Variants in TDRD7 observed in about 807,000 individuals in gnomAD.
TDRD7 encodes tudor domain containing 7, also known as tudor domain-containing protein 7.
Under a neutral mutation model 109.8 loss-of-function variants are expected in TDRD7, and 47 were observed. The observed-to-expected ratio is 0.43, with a 90% CI of 0.34 to 0.55. The LOEUF (loss-of-function observed/expected upper bound fraction) is 0.55, where lower values mean the gene tolerates loss of function less well. Ranked by LOEUF, TDRD7 falls within the 20% of genes least tolerant of loss-of-function variation. The pLI is 0.03. For synonymous variants in TDRD7, 424 were observed against 457.3 expected (o/e 0.93, Z 0.93); for missense variants, 1,164 against 1,319.2 (o/e 0.88, Z 1.82).
intron 16 of TDRD7, among the ~76,000 whole-genome samples, chr9:97,488,994 C>T (rs894218429): frequency 6.6e-6 from 1 of 152,108 alleles, no homozygotes; most frequent in African/African-American, 2.4e-5. Context: ...TAATTTAATT[C>T]CATTGTGGTC....
intron 3 of TDRD7, among the ~76,000 whole-genome samples, chr9:97,431,322 G>A (rs796553073): frequency 5.9e-5 from 9 of 152,210 alleles, no homozygotes; most frequent in African/African-American, 1.7e-4. Context: ...AGCTTGTTAC[G>A]GTAGTGTGTA....
At chr9:97,429,328 T>C (rs1828061393) in intron 2 of TDRD7, among the ~76,000 whole-genome samples, 1 of 152,208 alleles carries the variant, frequency 6.6e-6, no homozygotes, top group African/African-American at 2.4e-5. Flanking sequence ...CTTCACTTCT[T>C]GGTACCTACC....
chr9:97,454,219 G>A (rs1298085002), intron 6 of TDRD7, among the ~76,000 whole-genome samples: 1 of 152,180 alleles, frequency 6.6e-6, no homozygotes, highest in East Asian at 1.9e-4. Context: ...GATGGCTCAC[G>A]CCTGTAATCC....
chr9:97,424,229 A>G (rs1256747906), intron 1 of TDRD7, among the ~76,000 whole-genome samples: 1 of 151,114 alleles, frequency 6.6e-6, no homozygotes, highest in African/African-American at 2.4e-5. Flanking sequence ...GAGTTTTTGT[A>G]TTTTTTAGTA....
chr9:97,418,947 T>G (rs933258866), intron 1 of TDRD7, among the ~76,000 whole-genome samples: 1 of 152,124 alleles, frequency 6.6e-6, no homozygotes. Context: ...CCATGGAAAC[T>G]CTATTCTTAA....
At chr9:97,427,367 C>T (rs150367219) in intron 1 of TDRD7, among the ~76,000 whole-genome samples, 4 of 152,110 alleles carry the variant, frequency 2.6e-5, no homozygotes, top group African/African-American at 9.6e-5. Context: ...CTCTCTAGTC[C>T]CTTTTTCTTA....
At chr9:97,492,484 T>A (rs1483785025) in intron 16 of TDRD7, among the ~76,000 whole-genome samples, 1 of 152,220 alleles carries the variant, frequency 6.6e-6, no homozygotes, top group Non-Finnish European at 1.5e-5. Flanking sequence ...AAGGCTGAGA[T>A]TCAAGTCATT....
At chr9:97,453,506 G>A (rs1254793204) in intron 6 of TDRD7, among the ~76,000 whole-genome samples, 11 of 152,094 alleles carry the variant, frequency 7.2e-5, no homozygotes, top group Non-Finnish European at 1.6e-4. Flanking sequence ...AGAGTAGAAG[G>A]CTGGCATGAC....
chr9:97,486,196 A>G lies in TDRD7; in HGVS notation c.2916-976A>G, dbSNP rs150967432. On this transcript the variant is annotated intron_variant, in intron 15 of 16. Transcript: ENST00000355295. ...ACCATGCCACCTGAACTAGAGGCCAATTTCCACCATTTAGCAGCAGAGACC... is the reference window on the plus strand; with the variant it reads ...ACCATGCCACCTGAACTAGAGGCCAGTTTCCACCATTTAGCAGCAGAGACC... Among the ~76,000 whole-genome samples the G allele has an allele frequency of 8.1e-4, 124 of 152,246 alleles. 2 individuals carry two copies. The highest frequency in any genetic ancestry group is 6.8e-3 in the Middle Eastern group (2 of 294).
intron 12 of TDRD7, among the ~76,000 whole-genome samples, chr9:97,477,993 T>G (rs1052621011): frequency 2.0e-5 from 3 of 152,174 alleles, no homozygotes; most frequent in Admixed American, 6.5e-5. Context: ...GCGCGGTGGC[T>G]CACACCTGTA....
At chr9:97,418,663 G>GGAA (rs2118212788) in intron 1 of TDRD7, among the ~76,000 whole-genome samples, 1 of 152,314 alleles carries the variant, frequency 6.6e-6, no homozygotes, top group East Asian at 1.9e-4. Flanking sequence ...TCCCAAGGGT[G>GGAA]GAAGGAGTGG....
At chr9:97,434,920 C>G (rs1012661095) in intron 4 of TDRD7, among the ~76,000 whole-genome samples, 12 of 151,944 alleles carry the variant, frequency 7.9e-5, no homozygotes, top group Non-Finnish European at 1.3e-4. Context: ...TCTCAAAAAG[C>G]GACATACTGT....
chr9:97,472,196 A>G, intron 9 of TDRD7, 97 bp from the exon 10 acceptor site: 1 of 1,128,630 alleles, frequency 8.9e-7, no homozygotes, highest in Non-Finnish European at 1.3e-6. Flanking sequence ...CAGTAGGCTT[A>G]TAATTTTAAT....
chr9:97,417,864 C>A (rs1827836310), intron 1 of TDRD7, among the ~76,000 whole-genome samples: 1 of 152,210 alleles, frequency 6.6e-6, no homozygotes, highest in Non-Finnish European at 1.5e-5. Context: ...CGGTGGCTCA[C>A]ACCTGTAATC....
In TDRD7 at chr9:97,432,145, A is replaced by C. The variant is rs1365037397; in HGVS notation, c.470A>C (p.Glu157Ala). 1 of 1,613,886 alleles carries C rather than the reference A, an allele frequency of 6.2e-7. No individual in the cohort carries two copies. The highest frequency in any genetic ancestry group is 1.7e-5 in the Admixed American group (1 of 59,998). ...GNSVGVKPDAEMSPYMLHTTL... is the reference protein window; with the variant it reads ...GNSVGVKPDAAMSPYMLHTTL... ...TCTGTTGGAGTTAAGCCTGATGCTGAAATGTCTCCTTATATGCTACACACA... is the reference window on the plus strand; with the variant it reads ...TCTGTTGGAGTTAAGCCTGATGCTGCAATGTCTCCTTATATGCTACACACA... The change falls in exon 4 of 17, where the codon GAA (glutamate) becomes GCA (alanine). Residue 157 changes from glutamate (E) to alanine (A), a missense_variant. Glu to Ala is a moderately radical substitution (Grantham distance 107). Coordinates refer to ENST00000355295, the MANE Select transcript of TDRD7 (RefSeq NM_014290.3).
At chr9:97,452,385 T>G (rs1015325510) in intron 6 of TDRD7, among the ~76,000 whole-genome samples, 3 of 152,248 alleles carry the variant, frequency 2.0e-5, no homozygotes, top group Non-Finnish European at 4.4e-5. Context: ...AGGCCTATGT[T>G]TAATCTTAGT....
rs111898213 is a variant in TDRD7 at position 97,425,211 on chromosome 9, A to G, written c.-6-3249A>G. Among the ~76,000 whole-genome samples the G allele has an allele frequency of 3.3e-5, 5 of 152,350 alleles. 1 individual carries two copies. Among genetic ancestry groups the G allele is most frequent in the African/African-American group, 1.2e-4 (5 of 41,582 alleles). ...TTTTTTAAAACTCAAGAAGTGCTAC[A>G]TATAAAATGAGTTAATTTTATTTTG... On this transcript the variant is annotated intron_variant, in intron 1 of 16. Transcript: ENST00000355295.
At chr9:97,472,775 G>A (rs1564210737) in intron 10 of TDRD7, among the ~76,000 whole-genome samples, 1 of 152,138 alleles carries the variant, frequency 6.6e-6, no homozygotes, top group East Asian at 1.9e-4. Context: ...TAACACAAAA[G>A]AAGGGAAAAT....
chr9:97,457,790 A>G (rs1001798490), intron 6 of TDRD7, among the ~76,000 whole-genome samples: 5 of 152,226 alleles, frequency 3.3e-5, no homozygotes, highest in Admixed American at 2.0e-4. Flanking sequence ...ACACTATGGA[A>G]TACCATGCAG....
Sources: allele counts gnomAD v4.1 joint callset (sites outside exome capture counted in the v4.1 genomes callset), GRCh38; gene constraint gnomAD v4.1.1; transcripts MANE v1.5; gene names NCBI Gene and HGNC (gene_info 2026-07-23, HGNC 2026-07-21).